Variants in ARHGAP24 observed in about 807,000 individuals in gnomAD.
ARHGAP24 encodes Rho GTPase activating protein 24.
In ARHGAP24, 50 loss-of-function variants were observed where a neutral mutation model predicts 76.4. The observed-to-expected ratio is 0.65, with a 90% CI of 0.52 to 0.83. ARHGAP24 has a LOEUF of 0.83. Ranked by LOEUF, ARHGAP24 falls within the 40% of genes least tolerant of loss-of-function variation. ARHGAP24 has a pLI of 0.00. For synonymous variants in ARHGAP24, 345 were observed against 323.3 expected (o/e 1.07, Z -0.72); for missense variants, 930 against 914.2 (o/e 1.02, Z -0.22).
rs373149130 is a variant in ARHGAP24, at chr4:85,995,650, A to G, written c.1996A>G (p.Ile666Val). The change falls in exon 9 of 10, where the codon ATA becomes GTA. Residue 666 changes from isoleucine to valine, a missense_variant. Transcript: ENST00000395184. The stretch of plus-strand genomic sequence containing the variant: ...ACAGAAGATAGAGTATGAGTCCAGG[A>G]TAAAGAGGTAAGGAAAATCTGGAGG... ...TKQKIEYESR[I>V]KSLEQRNLTL... 17 of 1,613,812 alleles carry G rather than the reference A, an allele frequency of 1.1e-5. No individual in the cohort carries two copies. Among genetic ancestry groups the G allele is most frequent in the African/African-American group, 1.3e-5 (1 of 74,866 alleles).
intron 2 of ARHGAP24, among the ~76,000 whole-genome samples, chr4:85,607,534 T>C (rs985876085): frequency 6.6e-6 from 1 of 152,020 alleles, no homozygotes; most frequent in Non-Finnish European, 1.5e-5. Context: ...CTAATATCAT[T>C]AATACATTTC....
chr4:85,503,424 T>C (rs982101394), intron 1 of ARHGAP24, among the ~76,000 whole-genome samples: 4 of 152,232 alleles, frequency 2.6e-5, no homozygotes, highest in African/African-American at 9.7e-5. Flanking sequence ...GAGATTCATC[T>C]TCTTCCTGGT....
chr4:85,729,607 A>G (rs1044576260), intron 3 of ARHGAP24, among the ~76,000 whole-genome samples: 6 of 152,120 alleles, frequency 3.9e-5, no homozygotes, highest in African/African-American at 1.2e-4. Flanking sequence ...CACCATCACT[A>G]TTCGCTAGAC....
intron 3 of ARHGAP24, among the ~76,000 whole-genome samples, chr4:85,749,390 G>A (rs1726169930): frequency 6.6e-6 from 1 of 152,148 alleles, no homozygotes; most frequent in African/African-American, 2.4e-5. Flanking sequence ...TAAAAAGCTA[G>A]ACTTCTATAT....
chr4:85,995,070 G>A lies in ARHGAP24; in HGVS notation c.1416G>A (p.Met472Ile). Residue 472 changes from methionine to isoleucine, a missense_variant, in exon 9 of 10, where the codon ATG (methionine) becomes ATA (isoleucine). By Grantham distance (10) the Met-to-Ile change is conservative. Transcript: ENST00000395184. The part of the protein sequence containing the change: ...SSSLKVSGTK[M>I]GTHSVQNGTV... Reference sequence around the variant, plus strand: ...CACTGAAGGTATCTGGTACCAAAATGGGCACGCACAGTGTACAGAATGGAA... The same window carrying A: ...CACTGAAGGTATCTGGTACCAAAATAGGCACGCACAGTGTACAGAATGGAA... 1.2e-6 allele frequency: 2 copies of A among 1,614,024 alleles called. No homozygotes were observed. Among genetic ancestry groups the A allele is most frequent in the Non-Finnish European group, 1.7e-6 (2 of 1,180,014 alleles).
chr4:85,692,809 T>C (rs1385780941), intron 2 of ARHGAP24, among the ~76,000 whole-genome samples: 1 of 152,236 alleles, frequency 6.6e-6, no homozygotes, highest in African/African-American at 2.4e-5. Context: ...ATGTCTGTCA[T>C]TTCAGAGTGG....
intron 2 of ARHGAP24, among the ~76,000 whole-genome samples, chr4:85,587,303 A>G (rs1055470632): frequency 1.3e-5 from 2 of 152,206 alleles, no homozygotes; most frequent in East Asian, 3.9e-4. Context: ...TGATGTCGCC[A>G]TTACAGTACT....
At chr4:85,666,567 C>G (rs1362600700) in intron 2 of ARHGAP24, among the ~76,000 whole-genome samples, 1 of 152,196 alleles carries the variant, frequency 6.6e-6, no homozygotes, top group Non-Finnish European at 1.5e-5. Flanking sequence ...GGAGGAGAGG[C>G]ACTCTGCTTG....
chr4:85,919,680 G>A (rs1340793262), intron 3 of ARHGAP24, among the ~76,000 whole-genome samples: 1 of 152,064 alleles, frequency 6.6e-6, no homozygotes, highest in East Asian at 1.9e-4. Flanking sequence ...GGGGATAATG[G>A]CCAGTTGTGC....
chr4:85,537,707 T>C (rs552924436), intron 1 of ARHGAP24, among the ~76,000 whole-genome samples: 2 of 152,314 alleles, frequency 1.3e-5, no homozygotes, highest in African/African-American at 4.8e-5. Flanking sequence ...ACGGCAATGC[T>C]ATCTGGCCAT....
intron 3 of ARHGAP24, among the ~76,000 whole-genome samples, chr4:85,792,064 A>G (rs990061003): frequency 5.3e-5 from 8 of 152,326 alleles, no homozygotes; most frequent in African/African-American, 1.9e-4. Context: ...ATATACAACA[A>G]AACTGTCAAT....
At chr4:85,936,294 T>A (rs1298624701) in intron 4 of ARHGAP24, among the ~76,000 whole-genome samples, 1 of 152,204 alleles carries the variant, frequency 6.6e-6, no homozygotes, top group Non-Finnish European at 1.5e-5. Flanking sequence ...TATTCATTTA[T>A]TTTCTATAAT....
intron 3 of ARHGAP24, among the ~76,000 whole-genome samples, chr4:85,749,225 C>T (rs746550090): frequency 1.3e-5 from 2 of 152,212 alleles, no homozygotes; most frequent in African/African-American, 2.4e-5. Flanking sequence ...AACTCTTGCT[C>T]TACAAGCAGT....
At chr4:85,583,686 C>T (rs957180058) in intron 2 of ARHGAP24, among the ~76,000 whole-genome samples, 5 of 151,022 alleles carry the variant, frequency 3.3e-5, no homozygotes, top group African/African-American at 4.9e-5. Flanking sequence ...TTTTCGCAAC[C>T]TACTCATCTG....
chr4:85,984,548 C>A (rs149888337), intron 8 of ARHGAP24, among the ~76,000 whole-genome samples: 1 of 152,164 alleles, frequency 6.6e-6, no homozygotes, highest in Non-Finnish European at 1.5e-5. Context: ...AATACCATCA[C>A]ACTGGGGGTT....
intron 3 of ARHGAP24, among the ~76,000 whole-genome samples, chr4:85,916,357 T>A (rs1334235442): frequency 1.3e-5 from 2 of 152,168 alleles, no homozygotes; most frequent in Non-Finnish European, 2.9e-5. Flanking sequence ...TCCCATTCTG[T>A]AGGTTGCATG....
At chr4:85,483,636 A>G (rs553966079) in intron 1 of ARHGAP24, among the ~76,000 whole-genome samples, 1 of 152,126 alleles carries the variant, frequency 6.6e-6, no homozygotes, top group Admixed American at 6.5e-5. Context: ...TAAATAAACA[A>G]ACAAAAATAA....
intron 2 of ARHGAP24, among the ~76,000 whole-genome samples, chr4:85,692,925 G>T (rs1723723716): frequency 2.6e-5 from 4 of 152,104 alleles, no homozygotes; most frequent in Admixed American, 2.6e-4. Flanking sequence ...ACCTGGGAGG[G>T]TTAGTGTTTC....
chr4:85,970,556 A>G (rs961899179), intron 5 of ARHGAP24, among the ~76,000 whole-genome samples: 1 of 152,040 alleles, frequency 6.6e-6, no homozygotes, highest in Non-Finnish European at 1.5e-5. Flanking sequence ...TAAATATTTG[A>G]TGGAATCAGC....
Sources: gnomAD v4.1 joint callset for allele counts (sites outside exome capture counted in the v4.1 genomes callset) on GRCh38, gnomAD v4.1.1 for gene constraint, MANE v1.5 for transcripts, NCBI Gene and HGNC (gene_info 2026-07-23, HGNC 2026-07-21) for gene names.